The following ABHD6 variants were observed in gnomAD, a reference collection of about 807,000 sequenced individuals.
ABHD6 encodes monoacylglycerol lipase ABHD6.
Under a neutral mutation model 38.8 loss-of-function variants are expected in ABHD6, and 33 were observed. That is an observed-to-expected ratio of 0.85 (90% CI 0.64 to 1.14). The LOEUF (loss-of-function observed/expected upper bound fraction) is 1.14, where lower values mean the gene tolerates loss of function less well. Ranked by LOEUF, ABHD6 falls within the 50% of genes most tolerant of loss-of-function variation. The pLI is 0.00. For synonymous variants in ABHD6, 147 were observed against 161.6 expected (o/e 0.91, Z 0.69); for missense variants, 380 against 422.6 (o/e 0.90, Z 0.88).
At chr3:58,254,532 C>T (rs1400360293) in intron 2 of ABHD6, among the ~76,000 whole-genome samples, 1 of 152,144 alleles carries the variant, frequency 6.6e-6, no homozygotes, top group Non-Finnish European at 1.5e-5. Flanking sequence ...CTGCATTGAA[C>T]TTATTATCAA....
In ABHD6 at chr3:58,269,544, T is replaced by C. The variant is rs1056379229; in HGVS notation, c.390+110T>C. 9.9e-4 allele frequency: 790 copies of C among 796,192 alleles called. 6 individuals are homozygous for C. Among genetic ancestry groups the C allele is most frequent in the Non-Finnish European group, 1.9e-4 (91 of 484,214 alleles). The allele number at this position is 796,192 out of a possible 1,614,324, so 49.3% of individuals were successfully genotyped here. On this transcript the variant is annotated intron_variant, in intron 5 of 9. Transcript: ENST00000478253. This position sits in a 1 kb window ranked among gnomAD's most constrained non-coding sequence, Gnocchi z 4.4. ...CTGTGCTACCTCATGACCAGTCTCC[T>C]GTACATTCTGTCTACAAGTGATGGC... is the stretch of plus-strand genomic sequence containing the variant.
chr3:58,263,988 A>G lies in ABHD6; in HGVS notation c.120-3201A>G, dbSNP rs1395329998. Among the ~76,000 whole-genome samples, 1 of 152,028 alleles carries G rather than the reference A, an allele frequency of 6.6e-6. No homozygotes were observed. The highest frequency in any genetic ancestry group is 1.5e-5 in the Non-Finnish European group (1 of 68,014). On this transcript the variant is annotated intron_variant, in intron 3 of 9. Transcript: ENST00000478253. The surrounding 1 kb of genome is among the most constrained non-coding windows in gnomAD (Gnocchi z 4.9). ...TATACTTAACAGTTTTTTTTAACAG[A>G]ATTGGAATCAATAGTATTTAAAAAA...
In ABHD6 at chr3:58,259,088, C is replaced by G. The variant is rs188679671; in HGVS notation, c.119+2383C>G. On this transcript the variant is annotated intron_variant, in intron 3 of 9. Coordinates refer to ENST00000478253, the MANE Select transcript of ABHD6 (RefSeq NM_001320126.2). This position sits in a 1 kb window ranked among gnomAD's most constrained non-coding sequence, Gnocchi z 4.7. ...ACACACAAAACGCCGTTTTTATTAA[C>G]GACATGAAATTGAAGGAGAGAACAC... Among the ~76,000 whole-genome samples, 2 of 152,082 alleles carry G rather than the reference C, an allele frequency of 1.3e-5. No homozygotes were observed. Among genetic ancestry groups the G allele is most frequent in the African/African-American group, 4.8e-5 (2 of 41,408 alleles).
intron 7 of ABHD6, among the ~76,000 whole-genome samples, chr3:58,280,817 CTGTT>C (rs2097452554): frequency 6.6e-6 from 1 of 152,192 alleles, no homozygotes; most frequent in East Asian, 1.9e-4. Context: ...CTATTCCTTT[CTGTT>C]TGTTAGTTTT....
Position 58,259,172 on chromosome 3 carries a change from A to G in ABHD6, c.119+2467A>G, listed in dbSNP as rs934319720. Among the ~76,000 whole-genome samples the G allele has an allele frequency of 6.6e-6, 1 of 152,188 alleles. No individual in the cohort carries two copies. The highest frequency in any genetic ancestry group is 1.5e-5 in the Non-Finnish European group (1 of 68,042). ...GTCACATACAGAGGTGTGATTATGT[A>G]AAGGTTAATTCCACCCACCTCATGT... On this transcript the variant is annotated intron_variant, in intron 3 of 9. Transcript: ENST00000478253. The surrounding 1 kb of genome is among the most constrained non-coding windows in gnomAD (Gnocchi z 4.7).
At chr3:58,275,384 C>G (rs2097448038) in intron 7 of ABHD6, among the ~76,000 whole-genome samples, 1 of 143,804 alleles carries the variant, frequency 7.0e-6, no homozygotes, top group Admixed American at 7.1e-5. Context: ...GGCTGGAGTG[C>G]AGTAGCATGA....
intron 5 of ABHD6, among the ~76,000 whole-genome samples, chr3:58,270,684 A>T (rs562743341): frequency 6.6e-6 from 1 of 152,026 alleles, no homozygotes; most frequent in Non-Finnish European, 1.5e-5. Flanking sequence ...AAGTTTGCTG[A>T]CTCATTAATT....
intron 1 of ABHD6, among the ~76,000 whole-genome samples, chr3:58,248,771 A>G (rs552215660): frequency 1.3e-5 from 2 of 152,374 alleles, no homozygotes; most frequent in African/African-American, 4.8e-5. Context: ...GATTTTGCCA[A>G]ATTGCAATCT....
rs185082262 is a variant in ABHD6, at chr3:58,282,930, G to A, written c.682-2155G>A. Among the ~76,000 whole-genome samples the A allele has an allele frequency of 2.6e-5, 4 of 152,294 alleles. No homozygotes were observed. In the East Asian group the frequency reaches 7.7e-4, roughly 29 times the overall value. The stretch of plus-strand genomic sequence containing the variant: ...TGTACCACTGGAGCCATCAGCAGAC[G>A]CTAATATTGAAGGTTATGGGACTGA... On this transcript the variant is annotated intron_variant, in intron 7 of 9. Coordinates refer to ENST00000478253, the MANE Select transcript of ABHD6 (RefSeq NM_001320126.2).
chr3:58,272,084 G>A (rs957221483), intron 6 of ABHD6, among the ~76,000 whole-genome samples: 6 of 152,112 alleles, frequency 3.9e-5, no homozygotes, highest in African/African-American at 1.2e-4. Flanking sequence ...GAATAGGCGT[G>A]AGCCACCGCA....
chr3:58,271,919 C>T (rs2097445327), intron 6 of ABHD6, among the ~76,000 whole-genome samples: 1 of 151,808 alleles, frequency 6.6e-6, no homozygotes, highest in Admixed American at 6.6e-5. Context: ...TGTGTGCCAC[C>T]ATGCCCAGCT....
chr3:58,258,861 G>A (rs1017107347), intron 3 of ABHD6, among the ~76,000 whole-genome samples: 1 of 152,136 alleles, frequency 6.6e-6, no homozygotes, highest in Non-Finnish European at 1.5e-5. Context: ...GGGGAGTTGT[G>A]ACCCCCTCCC....
intron 7 of ABHD6, among the ~76,000 whole-genome samples, chr3:58,279,845 A>C (rs569831488): frequency 1.3e-5 from 2 of 152,134 alleles, no homozygotes; most frequent in Non-Finnish European, 2.9e-5. Context: ...TCCCTCACTT[A>C]TGAAGCTTAG....
Position 58,267,092 on chromosome 3 carries a change from A to G in ABHD6, c.120-97A>G. The G allele has an allele frequency of 3.8e-6, 5 of 1,308,186 alleles. No individual in the cohort carries two copies. Among genetic ancestry groups the G allele is most frequent in the Non-Finnish European group, 4.3e-6 (4 of 937,442 alleles). 81.0% of individuals were successfully genotyped at this position (1,308,186 alleles called of 1,614,324 possible). On this transcript the variant is annotated intron_variant, in intron 3 of 9. Coordinates refer to ENST00000478253, the MANE Select transcript of ABHD6 (RefSeq NM_001320126.2). The surrounding 1 kb of genome is among the most constrained non-coding windows in gnomAD (Gnocchi z 4.3). Reference sequence around the variant, plus strand: ...GGGCTGGAGAAGTGTTTGTGTTATCACTAAGGAAGACTTATAGAGAGGACC... The same window carrying G: ...GGGCTGGAGAAGTGTTTGTGTTATCGCTAAGGAAGACTTATAGAGAGGACC...
chr3:58,290,301 C>G (rs1365170703), intron 9 of ABHD6, among the ~76,000 whole-genome samples: 1 of 139,678 alleles, frequency 7.2e-6, no homozygotes, highest in East Asian at 2.3e-4. Flanking sequence ...GGGGCTGACC[C>G]CCCCCACCTC....
At chr3:58,275,788 C>A (rs1445267494) in intron 7 of ABHD6, among the ~76,000 whole-genome samples, 1 of 152,144 alleles carries the variant, frequency 6.6e-6, no homozygotes, top group Non-Finnish European at 1.5e-5. Flanking sequence ...TGCTATCCTT[C>A]CCCCAGCCCC....
intron 9 of ABHD6, among the ~76,000 whole-genome samples, chr3:58,291,971 C>T (rs953437095): frequency 1.3e-5 from 2 of 152,182 alleles, no homozygotes; most frequent in African/African-American, 2.4e-5. Flanking sequence ...AAAAGACACT[C>T]AGTTGGGAGT....
At chr3:58,250,501 G>C (rs1359464316) in intron 2 of ABHD6, among the ~76,000 whole-genome samples, 2 of 152,096 alleles carry the variant, frequency 1.3e-5, no homozygotes, top group African/African-American at 4.8e-5. Flanking sequence ...GAATTGAGAA[G>C]ATTTCTCTGG....
Position 58,265,169 on chromosome 3 carries a change from G to A in ABHD6, c.120-2020G>A, listed in dbSNP as rs546394438. 3.9e-5 allele frequency among the ~76,000 whole-genome samples: 6 copies of A among 152,156 alleles called. No individual in the cohort carries two copies. Among genetic ancestry groups the A allele is most frequent in the Non-Finnish European group, 7.4e-5 (5 of 67,994 alleles). On this transcript the variant is annotated intron_variant, in intron 3 of 9. Coordinates refer to ENST00000478253, the MANE Select transcript of ABHD6 (RefSeq NM_001320126.2). This position sits in a 1 kb window ranked among gnomAD's most constrained non-coding sequence, Gnocchi z 4.2. ...TGTGATGTTTGTCTTTCTGTGTCTG[G>A]CTTACTTCACTTAACATAATGATCT...
Sources: gnomAD v4.1 joint callset for allele counts (sites outside exome capture counted in the v4.1 genomes callset) on GRCh38, gnomAD v4.1.1 for gene constraint, Gnocchi (gnomAD v3.1) non-coding constraint, MANE v1.5 for transcripts, NCBI Gene and HGNC (gene_info 2026-07-23, HGNC 2026-07-21) for gene names.